The following ESRRG variants were observed in gnomAD, a reference collection of about 807,000 sequenced individuals.
The protein encoded by ESRRG is estrogen related receptor gamma, also known as estrogen-related receptor gamma.
ESRRG carries 13 observed loss-of-function variants against 44.0 expected under a neutral mutation model. The ratio of observed to expected loss-of-function variants is 0.30; its 90% confidence interval spans 0.19 to 0.47. The LOEUF (loss-of-function observed/expected upper bound fraction) is 0.47, where lower values mean the gene tolerates loss of function less well. Among genes scored for constraint, ESRRG ranks in the 20% least tolerant of loss-of-function variants. The pLI is 1.00. For missense variants in ESRRG, 395 were observed against 580.6 expected, an observed-to-expected ratio of 0.68 and a Z score of 3.29; for synonymous variants, 215 against 214.6, an observed-to-expected ratio of 1.00 and a Z score of -0.02.
upstream of ESRRG, among the ~76,000 whole-genome samples, chr1:217,092,548 A>G (rs1220488617): frequency 6.6e-6 from 1 of 152,062 alleles, no homozygotes; most frequent in African/African-American, 2.4e-5. Context: ...TTACCTACCT[A>G]CCTACCTATT....
At chr1:217,066,255 C>CCTT (rs1290920124) in intron 1 of ESRRG, among the ~76,000 whole-genome samples, 1 of 132,500 alleles carries the variant, frequency 7.5e-6, no homozygotes, top group Non-Finnish European at 1.6e-5. Context: ...TTTTTCTTTT[C>CCTT]TTTTTTTTTT....
chr1:216,902,163 C>A (rs1311398260), intron 2 of ESRRG, among the ~76,000 whole-genome samples: 1 of 152,180 alleles, frequency 6.6e-6, no homozygotes, highest in Non-Finnish European at 1.5e-5. Context: ...CTATAACAAT[C>A]CTGTATGGCA....
At position 216,564,185 on chromosome 1, in the gene ESRRG, C is replaced by T. The variant is rs376152655; in HGVS notation, c.862+34G>A. On this transcript the variant is annotated intron_variant, in intron 5 of 6. Coordinates refer to ENST00000408911, the MANE Select transcript of ESRRG (RefSeq NM_001438.4). ...ACATAACCTAGGGAATTAATTGCAA[C>T]CTTTTCTTTTCTTTTTCTTTTCAGA... The T allele has an allele frequency of 5.0e-6, 7 of 1,406,528 alleles. No homozygotes were observed. In the African/African-American group the frequency reaches 5.9e-5, roughly 12 times the overall value. The allele number at this position is 1,406,528 out of a possible 1,614,324, so 87.1% of individuals were successfully genotyped here.
chr1:216,513,151 C>T (rs1254332167), intron 6 of ESRRG, among the ~76,000 whole-genome samples: 1 of 152,132 alleles, frequency 6.6e-6, no homozygotes, highest in Non-Finnish European at 1.5e-5. Flanking sequence ...AACTCATATA[C>T]TCGTTAAGGT....
At chr1:216,786,371 A>G (rs2094127407) in intron 2 of ESRRG, among the ~76,000 whole-genome samples, 1 of 152,166 alleles carries the variant, frequency 6.6e-6, no homozygotes, top group Non-Finnish European at 1.5e-5. Flanking sequence ...GAAATAAAGT[A>G]AGTACATGTA....
At chr1:217,132,509 C>T (rs1235917626) in intron 1 of ESRRG, among the ~76,000 whole-genome samples, 5 of 152,170 alleles carry the variant, frequency 3.3e-5, no homozygotes, top group East Asian at 1.9e-4. Flanking sequence ...AGCTGATTAT[C>T]GCATCCCTGG....
chr1:217,118,689 G>A (rs1201611920), intron 1 of ESRRG, among the ~76,000 whole-genome samples: 3 of 152,142 alleles, frequency 2.0e-5, no homozygotes. Context: ...TAGGTATGGA[G>A]CCTTTAAAAT....
rs187516075 is a variant in ESRRG at position 216,527,453 on chromosome 1, T to C, written c.863-8032A>G. On this transcript the variant is annotated intron_variant, in intron 5 of 6. Transcript: ENST00000408911. ...CTTTGTTTCCATATCTCCTACATGATAAAACTGAAACTCTCTGGTAGAACA... is the reference window on the plus strand; with the variant it reads ...CTTTGTTTCCATATCTCCTACATGACAAAACTGAAACTCTCTGGTAGAACA... Among the ~76,000 whole-genome samples, 513 of 152,302 alleles carry C rather than the reference T, an allele frequency of 3.4e-3. 2 individuals carry two copies. Among genetic ancestry groups the C allele is most frequent in the African/African-American group, 0.012 (481 of 41,570 alleles).
At chr1:216,791,627 A>C (rs1205703392) in intron 2 of ESRRG, among the ~76,000 whole-genome samples, 1 of 152,148 alleles carries the variant, frequency 6.6e-6, no homozygotes, top group African/African-American at 2.4e-5. Flanking sequence ...ACTCACAATC[A>C]CATTCTAAGA....
intron 2 of ESRRG, among the ~76,000 whole-genome samples, chr1:216,929,335 A>T (rs556962229): frequency 6.6e-6 from 1 of 152,268 alleles, no homozygotes; most frequent in Non-Finnish European, 1.5e-5. Context: ...TGTGACAAGT[A>T]CAATACTAAA....
rs2092939689 is a variant in ESRRG at position 216,764,045 on chromosome 1, G to A, written c.-13-86554C>T. 2.6e-5 allele frequency among the ~76,000 whole-genome samples: 4 copies of A among 152,126 alleles called. No homozygotes were observed. The South Asian group carries it at 6.2e-4, about 24-fold the overall frequency. On this transcript the variant is annotated intron_variant, in intron 2 of 7. Transcript: ENST00000359162. ...ATGTCTTACAAGGTATGATACTTCT[G>A]TGGCTATCGGAATCTCCAGGGGCTC...
At chr1:217,106,273 C>A (rs542380946) in intron 1 of ESRRG, among the ~76,000 whole-genome samples, 3 of 152,104 alleles carry the variant, frequency 2.0e-5, no homozygotes, top group Non-Finnish European at 4.4e-5. Flanking sequence ...GCATCTCTGA[C>A]TAAATGGCAA....
intron 1 of ESRRG, among the ~76,000 whole-genome samples, chr1:217,114,954 C>T (rs565176666): frequency 2.0e-5 from 3 of 152,222 alleles, no homozygotes; most frequent in East Asian, 1.9e-4. Flanking sequence ...TGAACCACCA[C>T]GCCCAGGCAA....
chr1:216,978,777 A>G (rs909945904), intron 1 of ESRRG, among the ~76,000 whole-genome samples: 1 of 152,186 alleles, frequency 6.6e-6, no homozygotes, highest in African/African-American at 2.4e-5. Flanking sequence ...CCACATGTCC[A>G]CTAATGAAAT....
chr1:216,749,328 A>T (rs2091773845), intron 2 of ESRRG, among the ~76,000 whole-genome samples: 1 of 152,000 alleles, frequency 6.6e-6, no homozygotes, highest in African/African-American at 2.4e-5. Flanking sequence ...GCACCTGTTA[A>T]AGCTGCTTCT....
intron 1 of ESRRG, among the ~76,000 whole-genome samples, chr1:217,030,814 A>G (rs1221938044): frequency 2.0e-5 from 3 of 152,254 alleles, no homozygotes; most frequent in Admixed American, 6.5e-5. Context: ...CCAAAGTGCA[A>G]AAATATCTTA....
At chr1:216,766,566 C>T (rs1046526543) in intron 2 of ESRRG, among the ~76,000 whole-genome samples, 1 of 151,798 alleles carries the variant, frequency 6.6e-6, no homozygotes, top group African/African-American at 2.4e-5. Flanking sequence ...GCAGCACACT[C>T]GATAGGTTTC....
chr1:217,073,894 G>A (rs370897949), intron 1 of ESRRG, among the ~76,000 whole-genome samples: 29 of 152,086 alleles, frequency 1.9e-4, no homozygotes, highest in African/African-American at 6.3e-4. Context: ...AAAAGACACA[G>A]TGAACATGTA....
At chr1:216,866,187 A>G (rs957954562) in intron 2 of ESRRG, among the ~76,000 whole-genome samples, 9 of 152,214 alleles carry the variant, frequency 5.9e-5, no homozygotes, top group African/African-American at 2.2e-4. Flanking sequence ...CATGCTATCA[A>G]GTAATCAACA....
Sources: gnomAD v4.1 joint callset for allele counts (sites outside exome capture counted in the v4.1 genomes callset) on GRCh38, gnomAD v4.1.1 for gene constraint, MANE v1.5 for transcripts, NCBI Gene and HGNC (gene_info 2026-07-23, HGNC 2026-07-21) for gene names.